PROS1: variants seen among roughly 807,000 people sequenced by gnomAD.
The protein encoded by PROS1 is protein S.
In PROS1, 29 loss-of-function variants were observed where a neutral mutation model predicts 75.9. That is an observed-to-expected ratio of 0.38 (90% CI 0.28 to 0.52). PROS1 has a LOEUF of 0.52. PROS1 is among the 20% of genes least tolerant of loss of function. The pLI, the probability that PROS1 is intolerant of heterozygous loss-of-function variation, is 0.83. For synonymous variants in PROS1, 245 were observed against 280.6 expected (o/e 0.87, Z 1.27); for missense variants, 680 against 810.3 (o/e 0.84, Z 1.95).
intron 4 of PROS1, among the ~76,000 whole-genome samples, chr3:93,908,808 T>C (rs1708713191): frequency 6.6e-6 from 1 of 152,198 alleles, no homozygotes; most frequent in Non-Finnish European, 1.5e-5. Flanking sequence ...TTTTAATGTA[T>C]TCCACATAAG....
At chr3:93,956,563 AAC>A (rs35328809) in intron 1 of PROS1, among the ~76,000 whole-genome samples, 3,045 of 128,348 alleles carry the variant, frequency 0.024, 135 homozygotes, top group Admixed American at 0.11. Flanking sequence ...CACACACACA[AAC>A]ACACACACAC....
chr3:93,952,462 C>A (rs1283195306), intron 1 of PROS1, among the ~76,000 whole-genome samples: 1 of 152,102 alleles, frequency 6.6e-6, no homozygotes, highest in Admixed American at 6.6e-5. Flanking sequence ...ACTGAACAAC[C>A]TGCTCCTGAA....
In PROS1 at chr3:93,896,677, G is replaced by A. The variant is rs554787241; in HGVS notation, c.864C>T (p.Cys288=). 6.8e-5 allele frequency: 109 copies of A among 1,612,342 alleles called. No homozygotes were observed. The South Asian group carries it at 1.2e-3, about 17-fold the overall frequency. The change falls in exon 9 of 15, where the codon TGC becomes TGT. Residue 288 remains cysteine (C), a synonymous_variant. Transcript: ENST00000394236. ...ACTTTGTGTCAAGGTTCAAGGGAAG[G>A]CACACTGAAACAACCTGGAATAAAA... ...DQKSCEVVSV[C]LPLNLDTKYE... is the part of the protein sequence containing the mutation.
At chr3:93,959,709 G>A (rs1709671392) in intron 1 of PROS1, among the ~76,000 whole-genome samples, 1 of 152,218 alleles carries the variant, frequency 6.6e-6, no homozygotes, top group South Asian at 2.1e-4. Flanking sequence ...ACCTGATGCT[G>A]ATGTTCCACG....
At chr3:93,931,629 G>A (rs1304618565) in intron 1 of PROS1, among the ~76,000 whole-genome samples, 1 of 152,132 alleles carries the variant, frequency 6.6e-6, no homozygotes, top group Non-Finnish European at 1.5e-5. Flanking sequence ...CTTTCACACT[G>A]ACTGCTTGAA....
Position 93,877,123 on chromosome 3 carries a change from T to C in PROS1, c.1713A>G (p.Gln571=), listed in dbSNP as rs571916140. ...RIQALSLCSD[Q]QSHLEFRVNR... is the part of the protein sequence containing the mutation. ...TGACTCTAAATTCCAGATGAGATTG[T>C]TGATCGGAACATAGACTTAGGGCCT... Residue 571 remains glutamine, a synonymous_variant, in exon 14 of 15, where the codon CAA becomes CAG. Coordinates refer to ENST00000394236, the MANE Select transcript of PROS1 (RefSeq NM_000313.4). The C allele has an allele frequency of 3.3e-4, 533 of 1,612,916 alleles. 4 individuals are homozygous for C. In the South Asian group the frequency reaches 5.6e-3, roughly 17 times the overall value.
intron 6 of PROS1, among the ~76,000 whole-genome samples, chr3:93,902,613 C>T (rs1024167122): frequency 6.6e-5 from 10 of 151,458 alleles, no homozygotes; most frequent in Admixed American, 3.9e-4. Flanking sequence ...ATTGGACAGG[C>T]GTGGTGGCAT....
chr3:93,918,582 C>T (rs1428946612), intron 3 of PROS1, among the ~76,000 whole-genome samples: 1 of 152,138 alleles, frequency 6.6e-6, no homozygotes, highest in Non-Finnish European at 1.5e-5. Flanking sequence ...TGATACGCCG[C>T]CTTTAAGAAC....
Position 93,958,882 on chromosome 3 carries a change from C to T in PROS1, c.76+14792G>A, listed in dbSNP as rs1355717865. 2.0e-5 allele frequency: 3 copies of T among 152,264 alleles called. No homozygotes were observed. The East Asian group carries it at 5.8e-4, about 29-fold the overall frequency. 9.4% of individuals were successfully genotyped at this position (152,264 alleles called of 1,614,324 possible). On this transcript the variant is annotated intron_variant, in intron 1 of 14. Coordinates refer to ENST00000394236, the MANE Select transcript of PROS1 (RefSeq NM_000313.4). The stretch of plus-strand genomic sequence containing the variant: ...ATACCTCTTTCTTTGGTAAACTGCC[C>T]AGACTCGGGTACGTCTTTATCAGCA...
intron 12 of PROS1, among the ~76,000 whole-genome samples, chr3:93,882,545 C>G (rs1708286960): frequency 6.6e-6 from 1 of 152,094 alleles, no homozygotes; most frequent in Non-Finnish European, 1.5e-5. Flanking sequence ...CAGGTGTTTC[C>G]AAGGAAAGCC....
At chr3:93,969,485 T>TTCTAGTGAGCTGTCGATCACAGGAC in intron 1 of PROS1, among the ~76,000 whole-genome samples, 1 of 152,324 alleles carries the variant, frequency 6.6e-6, no homozygotes, top group Admixed American at 6.5e-5. Context: ...CTCTGTGCAA[T>TTCTAGTGAGCTGTCGATCACAGGAC]TCTAGTGAGC....
intron 1 of PROS1, among the ~76,000 whole-genome samples, chr3:93,938,347 T>C (rs1576204482): frequency 6.6e-6 from 1 of 152,164 alleles, no homozygotes; most frequent in Non-Finnish European, 1.5e-5. Context: ...GCTGACTCTC[T>C]TTTTGGACTC....
Position 93,941,906 on chromosome 3 carries a change from C to T in PROS1, c.77-14499G>A, listed in dbSNP as rs147151353. On this transcript the variant is annotated intron_variant, in intron 1 of 14. Transcript: ENST00000394236. ...CCTGGTGCGTATGCTTTCTGCTACCCGGCTCCTTCAGCTATACTCACCCTT... is the reference window on the plus strand; with the variant it reads ...CCTGGTGCGTATGCTTTCTGCTACCTGGCTCCTTCAGCTATACTCACCCTT... Among the ~76,000 whole-genome samples, 815 of 152,254 alleles carry T rather than the reference C, an allele frequency of 5.4e-3. 6 individuals are homozygous for T. Among genetic ancestry groups the T allele is most frequent in the African/African-American group, 0.018 (742 of 41,544 alleles).
intron 1 of PROS1, among the ~76,000 whole-genome samples, chr3:93,949,252 G>A (rs932062674): frequency 2.0e-5 from 3 of 152,136 alleles, no homozygotes; most frequent in Non-Finnish European, 1.5e-5. Flanking sequence ...AGCCAGACCC[G>A]AAACCTGGAC....
intron 1 of PROS1, among the ~76,000 whole-genome samples, chr3:93,933,355 C>T (rs1709134207): frequency 1.3e-5 from 2 of 151,300 alleles, no homozygotes; most frequent in African/African-American, 4.9e-5. Flanking sequence ...TGGGAGGATC[C>T]CTTAAACCCA....
At chr3:93,887,725 C>T (rs1275100691) in intron 10 of PROS1, among the ~76,000 whole-genome samples, 3 of 152,170 alleles carry the variant, frequency 2.0e-5, no homozygotes, top group East Asian at 1.9e-4. Flanking sequence ...TCTCTTTCTA[C>T]ACTCTAACCA....
At chr3:93,949,623 A>G (rs1012608413) in intron 1 of PROS1, among the ~76,000 whole-genome samples, 1 of 152,180 alleles carries the variant, frequency 6.6e-6, no homozygotes, top group African/African-American at 2.4e-5. Context: ...AGCTCTACTA[A>G]AAAAATAAAC....
At chr3:93,942,801 C>T (rs1709309015) in intron 1 of PROS1, among the ~76,000 whole-genome samples, 1 of 152,202 alleles carries the variant, frequency 6.6e-6, no homozygotes, top group Admixed American at 6.5e-5. Context: ...GAAATCACTT[C>T]TCAGTGTTCC....
chr3:93,943,729 T>C (rs1174076421), intron 1 of PROS1, among the ~76,000 whole-genome samples: 1 of 152,206 alleles, frequency 6.6e-6, no homozygotes, highest in African/African-American at 2.4e-5. Flanking sequence ...CCCTGTGACC[T>C]GCACATATAG....
Sources: allele counts gnomAD v4.1 joint callset (sites outside exome capture counted in the v4.1 genomes callset), GRCh38; gene constraint gnomAD v4.1.1; transcripts MANE v1.5; gene names NCBI Gene and HGNC (gene_info 2026-07-23, HGNC 2026-07-21).